Variants in EPN1 observed in about 807,000 individuals in gnomAD.
EPN1 encodes the protein epsin-1.
In EPN1, 25 loss-of-function variants were observed where a neutral mutation model predicts 56.9. The observed-to-expected ratio is 0.44, with a 90% CI of 0.32 to 0.61. The LOEUF is 0.61. Ranked by LOEUF, EPN1 falls within the 20% of genes least tolerant of loss-of-function variation. The pLI is 0.05. For synonymous variants in EPN1, 411 were observed against 361.8 expected (o/e 1.14, Z -1.54); for missense variants, 785 against 823.7 (o/e 0.95, Z 0.58).
At position 55,691,726 on chromosome 19, in the gene EPN1, T is replaced by C. The variant is rs1462456065; in HGVS notation, c.763-28T>C. On this transcript the variant is annotated intron_variant, in intron 6 of 10. Transcript: ENST00000270460. The surrounding 1 kb of genome is among the most constrained non-coding windows in gnomAD (Gnocchi z 5.6). Reference sequence around the variant, plus strand: ...TCCCAGGCTTCCCACCACTTCTTCATGCTCCTTCTCTTCTCTCTCCCCCAC... The same window carrying C: ...TCCCAGGCTTCCCACCACTTCTTCACGCTCCTTCTCTTCTCTCTCCCCCAC... 3 of 1,599,110 alleles carry C rather than the reference T, an allele frequency of 1.9e-6. No individual in the cohort carries two copies. The highest frequency in any genetic ancestry group is 2.6e-6 in the Non-Finnish European group (3 of 1,171,822).
rs1555793012 is a variant in EPN1 at position 55,705,811 on chromosome 19, A to ATATATATATATGTATATATG, written c.*10466_*10467insGTATATATGTATATATATAT. ...GCTGGAATATTTGTTGTTGTGGGAT[A>ATATATATATATGTATATATG]TATATATATATATATATTTAGAGTG... On this transcript the variant is annotated 3_prime_UTR_variant, in exon 11 of 11. Transcript: ENST00000270460. 7.0e-5 allele frequency: 7 copies of ATATATATATATGTATATATG among 99,564 alleles called. No homozygotes were observed. The highest frequency in any genetic ancestry group is 2.4e-4 in the African/African-American group (7 of 29,144). The allele number at this position is 99,564 out of a possible 1,614,324, so 6.2% of individuals were successfully genotyped here. A position where few individuals can be genotyped will look rare whatever the true frequency, so the allele number is the denominator to read the frequency against.
chr19:55,706,077 AC>A lies in EPN1; in HGVS notation c.*10724del. The A allele has an allele frequency of 4.1e-6, 1 of 244,594 alleles. No individual in the cohort carries two copies. Among genetic ancestry groups the A allele is most frequent in the Non-Finnish European group, 8.2e-6 (1 of 121,914 alleles). The allele number at this position is 244,594 out of a possible 1,614,324, so 15.2% of individuals were successfully genotyped here. On this transcript the variant is annotated 3_prime_UTR_variant, in exon 11 of 11. Transcript: ENST00000270460. The stretch of plus-strand genomic sequence containing the variant: ...TAGAATGTCCATTGGTTGGGGAACA[AC>A]CCAGCTTTAGTTTTTCCAGATTCTC...
At position 55,709,064 on chromosome 19, in the gene EPN1, GTT is replaced by G. The variant is rs754619841; in HGVS notation, c.*13718_*13719del. The G allele has an allele frequency of 1.3e-5, 16 of 1,260,618 alleles. No homozygotes were observed. The highest frequency in any genetic ancestry group is 8.8e-5 in the East Asian group (3 of 34,050). 78.1% of individuals were successfully genotyped at this position (1,260,618 alleles called of 1,614,324 possible). ...TGCAGCCTGGGAAAATAGAAATAAA[GTT>G]TTTTTTTTTGTTTTTCATTTTTACA... On this transcript the variant is annotated 3_prime_UTR_variant, in exon 11 of 11. Coordinates refer to ENST00000270460, the MANE Select transcript of EPN1 (RefSeq NM_001130072.2).
In EPN1 at chr19:55,705,471, A is replaced by T. The variant is rs985826304; in HGVS notation, c.*10115A>T. On this transcript the variant is annotated 3_prime_UTR_variant, in exon 11 of 11. Coordinates refer to ENST00000270460, the MANE Select transcript of EPN1 (RefSeq NM_001130072.2). The stretch of plus-strand genomic sequence containing the variant: ...GAGACCAGCCTGGCCAACATGACAA[A>T]ATCACCATCTCTACTAAAAATACAA... The T allele has an allele frequency of 1.4e-4, 21 of 152,248 alleles. No individual in the cohort carries two copies. Among genetic ancestry groups the T allele is most frequent in the African/African-American group, 5.1e-4 (21 of 41,526 alleles). 9.4% of individuals were successfully genotyped at this position (152,248 alleles called of 1,614,324 possible). A position where few individuals can be genotyped will look rare whatever the true frequency, so the allele number is the denominator to read the frequency against.
In EPN1 at chr19:55,705,808, G is replaced by GATATATATATATATATAT. The variant is rs57606788; in HGVS notation, c.*10455_*10472dup. On this transcript the variant is annotated 3_prime_UTR_variant, in exon 11 of 11. Transcript: ENST00000270460. ...GTGGCTGGAATATTTGTTGTTGTGG[G>GATATATATATATATATAT]ATATATATATATATATATATTTAGA... The GATATATATATATATATAT allele has an allele frequency of 0.011, 1,119 of 103,024 alleles. 26 individuals carry two copies. Among genetic ancestry groups the GATATATATATATATATAT allele is most frequent in the African/African-American group, 0.023 (507 of 21,890 alleles). The allele number at this position is 103,024 out of a possible 1,614,324, so 6.4% of individuals were successfully genotyped here. A position where few individuals can be genotyped will look rare whatever the true frequency, so the allele number is the denominator to read the frequency against.
In EPN1 at chr19:55,694,409, T is replaced by TC; in HGVS notation, c.1265-312dup. On this transcript the variant is annotated intron_variant, in intron 9 of 10. Coordinates refer to ENST00000270460, the MANE Select transcript of EPN1 (RefSeq NM_001130072.2). The surrounding 1 kb of genome is among the most constrained non-coding windows in gnomAD (Gnocchi z 4.2). ...ACCTGTGAACACGCCCCCGCTGCCTTCCCCCGCGGGCCTATAGACCCTGGA... is the reference window on the plus strand; with the variant it reads ...ACCTGTGAACACGCCCCCGCTGCCTTCCCCCCGCGGGCCTATAGACCCTGGA... The TC allele has an allele frequency of 3.3e-6, 1 of 303,134 alleles. No homozygotes were observed. The highest frequency in any genetic ancestry group is 6.0e-6 in the Non-Finnish European group (1 of 165,590). The allele number at this position is 303,134 out of a possible 1,614,324, so 18.8% of individuals were successfully genotyped here. A position where few individuals can be genotyped will look rare whatever the true frequency, so the allele number is the denominator to read the frequency against.
At position 55,700,429 on chromosome 19, in the gene EPN1, C is replaced by A. The variant is rs4801265; in HGVS notation, c.*5073C>A. On this transcript the variant is annotated 3_prime_UTR_variant, in exon 11 of 11. Transcript: ENST00000270460. Reference sequence around the variant, plus strand: ...CAGGTGCGTGCGACCACAGCCAACTCATTTTTCTGTTTTTAGCAGAGACAG... The same window carrying A: ...CAGGTGCGTGCGACCACAGCCAACTAATTTTTCTGTTTTTAGCAGAGACAG... The A allele has an allele frequency of 0.4, 60,182 of 149,488 alleles. 13,977 individuals carry two copies. Among genetic ancestry groups the A allele is most frequent in the African/African-American group, 0.57 (22,182 of 39,214 alleles). The allele number at this position is 149,488 out of a possible 1,614,324, so 9.3% of individuals were successfully genotyped here.
chr19:55,677,481 G>A, intron 1 of EPN1: 1 of 856,194 alleles, frequency 1.2e-6, no homozygotes, highest in Non-Finnish European at 1.8e-6. Flanking sequence ...TGGAGTTCAG[G>A]TGGGCCTCGG....
Position 55,689,118 on chromosome 19 carries a change from C to T in EPN1, c.603+124C>T. ...CTGCTCCACATGCTGTCACTCGTCT[C>T]CTCCCCAGTCCTGCCTCATCCTCAC... On this transcript the variant is annotated intron_variant, in intron 4 of 10. Coordinates refer to ENST00000270460, the MANE Select transcript of EPN1 (RefSeq NM_001130072.2). This position sits in a 1 kb window ranked among gnomAD's most constrained non-coding sequence, Gnocchi z 5.7. 1 of 1,345,940 alleles carries T rather than the reference C, an allele frequency of 7.4e-7. No individual in the cohort carries two copies. The highest frequency in any genetic ancestry group is 1.0e-6 in the Non-Finnish European group (1 of 1,002,542). 83.4% of individuals were successfully genotyped at this position (1,345,940 alleles called of 1,614,324 possible). A position where few individuals can be genotyped will look rare whatever the true frequency, so the allele number is the denominator to read the frequency against.
chr19:55,675,285 TGGGCGGCG>T lies in EPN1; in HGVS notation c.-242_-235del, dbSNP rs1985312236. 1 of 151,940 alleles carries T rather than the reference TGGGCGGCG, an allele frequency of 6.6e-6. No individual in the cohort carries two copies. The highest frequency in any genetic ancestry group is 6.5e-5 in the Admixed American group (1 of 15,268). 9.4% of individuals were successfully genotyped at this position (151,940 alleles called of 1,614,324 possible). ...CCCGCCCGGCTCTCCGCGCCCCTTC[TGGGCGGCG>T]GGGCGGCGGAGCCGTCGGCGTGCGG... is the stretch of plus-strand genomic sequence containing the variant. On this transcript the variant is annotated 5_prime_UTR_variant, in exon 1 of 11. Coordinates refer to ENST00000270460, the MANE Select transcript of EPN1 (RefSeq NM_001130072.2).
chr19:55,690,201 C>G (rs772756148), intron 6 of EPN1, among the ~76,000 whole-genome samples: 2 of 152,178 alleles, frequency 1.3e-5, no homozygotes, highest in Non-Finnish European at 2.9e-5. Context: ...GGCTGAGCAC[C>G]GTGAGGGCCA....
chr19:55,696,325 G>C lies in EPN1; in HGVS notation c.*969G>C, dbSNP rs1986908852. The C allele has an allele frequency of 6.6e-6, 1 of 152,360 alleles. No homozygotes were observed. Among genetic ancestry groups the C allele is most frequent in the African/African-American group, 2.4e-5 (1 of 41,426 alleles). The allele number at this position is 152,360 out of a possible 1,614,324, so 9.4% of individuals were successfully genotyped here. Reference sequence around the variant, plus strand: ...TGAGACTATCCGGGAGAATCCTCGGGCCGCCTTGTGAGGGGGGTGTTGCTG... The same window carrying C: ...TGAGACTATCCGGGAGAATCCTCGGCCCGCCTTGTGAGGGGGGTGTTGCTG... On this transcript the variant is annotated 3_prime_UTR_variant, in exon 11 of 11. Coordinates refer to ENST00000270460, the MANE Select transcript of EPN1 (RefSeq NM_001130072.2).
At chr19:55,681,697 A>G (rs766777103) in intron 2 of EPN1, among the ~76,000 whole-genome samples, 1 of 152,238 alleles carries the variant, frequency 6.6e-6, no homozygotes, top group Non-Finnish European at 1.5e-5. Context: ...TGTCCTTGAT[A>G]AAGCTGTCTT....
intron 7 of EPN1, 46 bp from the exon 8 acceptor site, chr19:55,692,640 G>A (rs1437637735): frequency 3.1e-5 from 40 of 1,303,244 alleles, no homozygotes; most frequent in Admixed American, 5.1e-5. Context: ...TAGCCATCTG[G>A]GCAGTCAAGG....
chr19:55,695,607 C>T lies in EPN1; in HGVS notation c.*251C>T. 2.0e-6 allele frequency: 1 copy of T among 504,024 alleles called. No individual in the cohort carries two copies. The highest frequency in any genetic ancestry group is 3.5e-6 in the Non-Finnish European group (1 of 284,682). 31.2% of individuals were successfully genotyped at this position (504,024 alleles called of 1,614,324 possible). A position where few individuals can be genotyped will look rare whatever the true frequency, so the allele number is the denominator to read the frequency against. On this transcript the variant is annotated 3_prime_UTR_variant, in exon 11 of 11. Transcript: ENST00000270460. The surrounding 1 kb of genome is among the most constrained non-coding windows in gnomAD (Gnocchi z 4.4). ...GTGGCATTAGAAGGGGGAGGGGTGG[C>T]TGGGGCCCCCACCCATTCCCCCTCC...
rs1053552374 is a variant in EPN1, at chr19:55,707,201, G to C, written c.*11845G>C. On this transcript the variant is annotated 3_prime_UTR_variant, in exon 11 of 11. Transcript: ENST00000270460. ...CTGTCTCTCAAAAAAAAAAAAAAAG[G>C]AACGGTAGTGTGCACCTGTGGTCCC... 5 of 150,100 alleles carry C rather than the reference G, an allele frequency of 3.3e-5. No individual in the cohort carries two copies. The highest frequency in any genetic ancestry group is 9.8e-5 in the African/African-American group (4 of 40,888). The allele number at this position is 150,100 out of a possible 1,614,324, so 9.3% of individuals were successfully genotyped here. A position where few individuals can be genotyped will look rare whatever the true frequency, so the allele number is the denominator to read the frequency against.
In EPN1 at chr19:55,702,765, C is replaced by G. The variant is rs1987202738; in HGVS notation, c.*7409C>G. 1 of 151,650 alleles carries G rather than the reference C, an allele frequency of 6.6e-6. No homozygotes were observed. Among genetic ancestry groups the G allele is most frequent in the Admixed American group, 6.6e-5 (1 of 15,186 alleles). The allele number at this position is 151,650 out of a possible 1,614,324, so 9.4% of individuals were successfully genotyped here. A position where few individuals can be genotyped will look rare whatever the true frequency, so the allele number is the denominator to read the frequency against. ...TGGGTGAATGCATTTATTCGTTCAT[C>G]TAAGCCGCATTTACTCCTTTCTTTT... On this transcript the variant is annotated 3_prime_UTR_variant, in exon 11 of 11. Coordinates refer to ENST00000270460, the MANE Select transcript of EPN1 (RefSeq NM_001130072.2).
intron 2 of EPN1, among the ~76,000 whole-genome samples, chr19:55,682,287 C>T (rs1477573515): frequency 6.6e-6 from 1 of 152,192 alleles, no homozygotes; most frequent in Non-Finnish European, 1.5e-5. Context: ...CCCACAGCAC[C>T]GTGTCTGATT....
At position 55,693,011 on chromosome 19, in the gene EPN1, C is replaced by A; in HGVS notation, c.1238C>A (p.Ala413Glu). ...TCTGACTTTGACCGACTCCGCACGG[C>A]ACTGCCGACCTCCGGGAGCAGCGCA... ...EFSDFDRLRT[A>E]LPTSGSSAGE... The change falls in exon 9 of 11, where the codon GCA (alanine) becomes GAA (glutamate). Residue 413 changes from alanine to glutamate, a missense_variant. Physicochemically the swap from Ala to Glu is moderately radical, Grantham distance 107. Coordinates refer to ENST00000270460, the MANE Select transcript of EPN1 (RefSeq NM_001130072.2). 2.5e-6 allele frequency: 4 copies of A among 1,613,312 alleles called. No homozygotes were observed. Among genetic ancestry groups the A allele is most frequent in the Non-Finnish European group, 3.4e-6 (4 of 1,179,572 alleles).
Sources: gnomAD v4.1 joint callset for allele counts (sites outside exome capture counted in the v4.1 genomes callset) on GRCh38, gnomAD v4.1.1 for gene constraint, Gnocchi (gnomAD v3.1) non-coding constraint, MANE v1.5 for transcripts, NCBI Gene and HGNC (gene_info 2026-07-23, HGNC 2026-07-21) for gene names.